The following ALG6 variants were observed in gnomAD, a reference collection of about 807,000 sequenced individuals.
ALG6 encodes ALG6 alpha-1,3-glucosyltransferase, also known as dolichyl pyrophosphate Man9GlcNAc2 alpha-1,3-glucosyltransferase.
A neutral mutation model predicts 66.6 loss-of-function variants in ALG6; 46 were observed. That is an observed-to-expected ratio of 0.69 (90% CI 0.55 to 0.88). The LOEUF (loss-of-function observed/expected upper bound fraction) is 0.88. ALG6 is among the 40% of genes least tolerant of loss of function. The pLI, the probability that ALG6 is intolerant of heterozygous loss-of-function variation, is 0.00. For synonymous variants in ALG6, 185 were observed against 203.7 expected, an observed-to-expected ratio of 0.91 and a Z score of 0.78; for missense variants, 505 against 586.8, an observed-to-expected ratio of 0.86 and a Z score of 1.44.
intron 2 of ALG6, among the ~76,000 whole-genome samples, chr1:63,390,645 T>C (rs1648642605): frequency 6.6e-6 from 1 of 152,152 alleles, no homozygotes; most frequent in Admixed American, 6.5e-5. Context: ...TAGCCTACAG[T>C]GGTGTGCCTA....
At chr1:63,387,288 C>T (rs1414651983) in intron 2 of ALG6, among the ~76,000 whole-genome samples, 3 of 152,118 alleles carry the variant, frequency 2.0e-5, no homozygotes, top group African/African-American at 7.2e-5. Context: ...CTGATAGGTC[C>T]ACTTAGTTTA....
At chr1:63,371,088 A>T in intron 2 of ALG6, 29 bp downstream of exon 2, 1 of 1,534,538 alleles carries the variant, frequency 6.5e-7, no homozygotes, top group Non-Finnish European at 9.0e-7. Flanking sequence ...TTAAAAAAAA[A>T]ACGAAATTTT....
intron 12 of ALG6, among the ~76,000 whole-genome samples, chr1:63,424,179 C>T (rs1644602946): frequency 6.6e-6 from 1 of 152,114 alleles, no homozygotes. Flanking sequence ...CTCGCTCTGT[C>T]ACCCAGGCTG....
intron 8 of ALG6, 76 bp from the exon 9 acceptor site, chr1:63,411,850 T>TC (rs1644517948): frequency 5.1e-6 from 8 of 1,579,718 alleles, no homozygotes; most frequent in Non-Finnish European, 7.0e-6. Flanking sequence ...TGTATTATGT[T>TC]CAGTGAGACT....
At chr1:63,422,274 TATATAAATATATATATTTATATAG>T (rs1244304186) in intron 12 of ALG6, among the ~76,000 whole-genome samples, 1 of 39,490 alleles carries the variant, frequency 2.5e-5, no homozygotes, top group Non-Finnish European at 4.0e-5. Flanking sequence ...TATAAATATA[TATATAAATATATATATTTATATAG>T]ATATAAATAT....
At chr1:63,404,998 A>G (rs1644483350) in intron 5 of ALG6, among the ~76,000 whole-genome samples, 1 of 152,156 alleles carries the variant, frequency 6.6e-6, no homozygotes, top group Admixed American at 6.5e-5. Context: ...AAATTAAATA[A>G]TCCACACAAC....
chr1:63,380,393 G>C (rs1648265643), intron 2 of ALG6, among the ~76,000 whole-genome samples: 1 of 152,140 alleles, frequency 6.6e-6, no homozygotes, highest in African/African-American at 2.4e-5. Context: ...GGGGGAAGAA[G>C]GGCTGAGGAA....
intron 2 of ALG6, among the ~76,000 whole-genome samples, chr1:63,382,456 G>A (rs1384536915): frequency 4.0e-5 from 6 of 151,574 alleles, no homozygotes; most frequent in Non-Finnish European, 7.4e-5. Context: ...GCCCGCCTCA[G>A]CGCCCAGCTG....
intron 2 of ALG6, among the ~76,000 whole-genome samples, chr1:63,391,221 C>T (rs11208204): frequency 0.16 from 24,854 of 152,028 alleles, 2,081 homozygotes; most frequent in Middle Eastern, 0.26. Flanking sequence ...CTAATGTGCC[C>T]GTGTAACAAA....
chr1:63,376,869 A>G (rs1258618888), intron 2 of ALG6, among the ~76,000 whole-genome samples: 1 of 152,130 alleles, frequency 6.6e-6, no homozygotes, highest in East Asian at 1.9e-4. Context: ...TATTTTACCA[A>G]TTGATCTACC....
At chr1:63,411,122 A>G in intron 7 of ALG6, 24 bp from the exon 8 acceptor site, 1 of 1,611,978 alleles carries the variant, frequency 6.2e-7, no homozygotes, top group Non-Finnish European at 8.5e-7. Context: ...GATTATTGAG[A>G]TAATTTCCTT....
chr1:63,430,355 G>T (rs1336177389), intron 14 of ALG6, among the ~76,000 whole-genome samples: 1 of 152,124 alleles, frequency 6.6e-6, no homozygotes, highest in East Asian at 1.9e-4. Context: ...TAATGCTGTT[G>T]TGAACATTTG....
chr1:63,394,616 C>A (rs1648764850), intron 2 of ALG6, among the ~76,000 whole-genome samples: 1 of 152,162 alleles, frequency 6.6e-6, no homozygotes, highest in East Asian at 1.9e-4. Flanking sequence ...GATCCACCCA[C>A]CTCGGCCTCC....
Position 63,422,446 on chromosome 1 carries a change from T to TATATATATAAATATAAATATATATATAA in ALG6, c.1058+3016_1058+3043dup, listed in dbSNP as rs1455256606. Among the ~76,000 whole-genome samples the TATATATATAAATATAAATATATATATAA allele has an allele frequency of 4.7e-4, 55 of 118,186 alleles. 1 individual carries two copies. The highest frequency in any genetic ancestry group is 8.4e-4 in the Non-Finnish European group (51 of 60,566). The allele number at this position is 118,186 out of a possible 152,430, so 77.5% of individuals were successfully genotyped here. On this transcript the variant is annotated intron_variant, in intron 12 of 14. Transcript: ENST00000263440. The stretch of plus-strand genomic sequence containing the variant: ...ATATAAATATAAATATATATATAAA[T>TATATATATAAATATAAATATATATATAA]ATATATATAAATATAAATATATATA...
intron 1 of ALG6, among the ~76,000 whole-genome samples, chr1:63,369,678 AG>A (rs1647844857): frequency 1.3e-5 from 2 of 152,236 alleles, no homozygotes; most frequent in Admixed American, 1.3e-4. Context: ...TTAGATCATT[AG>A]GTGGAATGTA....
At chr1:63,372,970 A>G (rs1294269805) in intron 2 of ALG6, among the ~76,000 whole-genome samples, 2 of 151,654 alleles carry the variant, frequency 1.3e-5, no homozygotes, top group African/African-American at 2.4e-5. Context: ...TAGCTCTTAC[A>G]TATAGATGTA....
chr1:63,436,730 T>G (rs1301987916), intron 14 of ALG6, 93 bp from the exon 15 acceptor site: 4 of 1,257,466 alleles, frequency 3.2e-6, no homozygotes, highest in Non-Finnish European at 4.6e-6. Flanking sequence ...CCCTCACCTT[T>G]AATTCTGCTC....
intron 14 of ALG6, among the ~76,000 whole-genome samples, chr1:63,435,164 G>A (rs7550452): frequency 0.16 from 24,609 of 152,130 alleles, 2,048 homozygotes; most frequent in Middle Eastern, 0.25. Context: ...CATGTTTATA[G>A]GCAACTGTTT....
chr1:63,387,781 A>T (rs1377198710), intron 2 of ALG6, among the ~76,000 whole-genome samples: 1 of 151,906 alleles, frequency 6.6e-6, no homozygotes, highest in African/African-American at 2.4e-5. Flanking sequence ...ACCTCAGGCA[A>T]TCCGCCTGCC....
Sources: gnomAD v4.1 joint callset for allele counts (sites outside exome capture counted in the v4.1 genomes callset) on GRCh38, gnomAD v4.1.1 for gene constraint, MANE v1.5 for transcripts, NCBI Gene and HGNC (gene_info 2026-07-23, HGNC 2026-07-21) for gene names.